Variants in ERAP1 observed in about 807,000 individuals in gnomAD.
ERAP1 encodes endoplasmic reticulum aminopeptidase 1, also known as adipocyte-derived leucine aminopeptidase.
In ERAP1, 86 loss-of-function variants were observed where a neutral mutation model predicts 103.7. That is an observed-to-expected ratio of 0.83 (90% CI 0.70 to 0.99). The LOEUF (loss-of-function observed/expected upper bound fraction) is 0.99, where lower values mean the gene tolerates loss of function less well. Ranked by LOEUF, ERAP1 falls within the 50% of genes least tolerant of loss-of-function variation. The pLI is 0.00. For synonymous variants in ERAP1, 398 were observed against 402.4 expected, an observed-to-expected ratio of 0.99 and a Z score of 0.13; for missense variants, 1,009 against 1,128.4, an observed-to-expected ratio of 0.89 and a Z score of 1.52.
chr5:96,828,387 A>T, the ERAP1 span, among the ~76,000 whole-genome samples: 4 of 152,206 alleles, frequency 2.6e-5, no homozygotes, highest in Non-Finnish European at 5.9e-5. Context: ...TAATAATAAT[A>T]TTTGCCAGTC....
At chr5:96,819,370 A>G in the ERAP1 span, among the ~76,000 whole-genome samples, 2 of 152,198 alleles carry the variant, frequency 1.3e-5, no homozygotes, top group Non-Finnish European at 2.9e-5. Context: ...TTCATCCTAC[A>G]GACAATCATC....
At chr5:96,879,527 TTTTTTGTCA>T in the ERAP1 span, 1 of 582,268 alleles carries the variant, frequency 1.7e-6, no homozygotes. Flanking sequence ...AATTGAAATC[TTTTTTGTCA>T]TGCTATAAGT....
At chr5:96,881,866 T>A in the ERAP1 span, among the ~76,000 whole-genome samples, 9 of 152,336 alleles carry the variant, frequency 5.9e-5, no homozygotes, top group African/African-American at 2.2e-4. Flanking sequence ...TAGACCAGAA[T>A]GAGTCATAGC....
At chr5:96,922,133 C>T in the ERAP1 span, among the ~76,000 whole-genome samples, 1 of 150,916 alleles carries the variant, frequency 6.6e-6, no homozygotes, top group Non-Finnish European at 1.5e-5. Flanking sequence ...CCCGTCGCTG[C>T]TAAAAATACA....
chr5:96,784,124 G>A (rs747960041), intron 13 of ERAP1, 44 bp from the exon 14 acceptor site: 1 of 1,602,984 alleles, frequency 6.2e-7, no homozygotes, highest in Non-Finnish European at 8.5e-7. Flanking sequence ...AGTAAATCCG[G>A]GAAGTCAACT....
upstream of ERAP1, among the ~76,000 whole-genome samples, chr5:96,808,855 A>G (rs760179950): frequency 3.3e-4 from 50 of 152,212 alleles, 1 homozygote; most frequent in Admixed American, 1.3e-4. Context: ...CCAGACCCCA[A>G]GAGAGGGTTC....
chr5:96,861,044 T>C, the ERAP1 span, among the ~76,000 whole-genome samples: 1 of 152,158 alleles, frequency 6.6e-6, no homozygotes, highest in African/African-American at 2.4e-5. Flanking sequence ...CCTGCCTTTG[T>C]GATTCTGTGG....
intron 4 of ERAP1, 109 bp downstream of exon 4, chr5:96,797,066 T>C: frequency 7.6e-7 from 1 of 1,314,380 alleles, no homozygotes; most frequent in Non-Finnish European, 1.1e-6. Flanking sequence ...TGGGTTTATG[T>C]TGGGTTTACA....
chr5:96,896,644 G>T, the ERAP1 span: 1 of 1,342,754 alleles, frequency 7.4e-7, no homozygotes, highest in East Asian at 2.6e-5. Flanking sequence ...CATCACACAT[G>T]TTCCGTAAAA....
At position 96,784,015 on chromosome 5, in the gene ERAP1, AT is replaced by A; in HGVS notation, c.2008del (p.Ile670LeufsTer8). ...ATTCAAACCTTGAAACACGGGCATA[AT>A]TTCAGTTTCATGTTTCAAGTACAGG... ...LSLYLKHETE[I>X]MPVFQGLNEL... On this transcript the variant is annotated frameshift_variant, in exon 14 of 19. Transcript: ENST00000443439. LOFTEE classifies it high-confidence loss of function. 1 of 1,614,030 alleles carries A rather than the reference AT, an allele frequency of 6.2e-7. No homozygotes were observed.
In ERAP1 at chr5:96,776,365, A is replaced by C. The variant is rs1774299649; in HGVS notation, c.*31T>G. 1.3e-6 allele frequency: 2 copies of C among 1,592,764 alleles called. No homozygotes were observed. The highest frequency in any genetic ancestry group is 1.7e-6 in the Non-Finnish European group (2 of 1,169,270). ...CACTCAACAAAATGTTGGTGATTAG[A>C]GATAACAGGAACCTGGCAAGGGAGG... is the stretch of plus-strand genomic sequence containing the variant. On this transcript the variant is annotated 3_prime_UTR_variant, in exon 19 of 19. Transcript: ENST00000443439.
At chr5:96,933,472 G>A in the ERAP1 span, among the ~76,000 whole-genome samples, 1 of 152,134 alleles carries the variant, frequency 6.6e-6, no homozygotes, top group African/African-American at 2.4e-5. Context: ...AATGGGAGGG[G>A]TGGGAGGCAA....
At chr5:96,807,957 A>T, upstream of ERAP1, 1 of 985,764 alleles carries the variant, frequency 1.0e-6, no homozygotes, top group Non-Finnish European at 1.2e-6. Flanking sequence ...GAGCCCGGGG[A>T]GCGGCAGGCT....
chr5:96,786,751 C>T (rs1776058654), intron 11 of ERAP1: 2 of 562,172 alleles, frequency 3.6e-6, no homozygotes, highest in Non-Finnish European at 3.2e-6. Context: ...TTTTCTTGGA[C>T]TCCTTGAGTA....
At chr5:96,817,647 A>G in the ERAP1 span, among the ~76,000 whole-genome samples, 1 of 152,196 alleles carries the variant, frequency 6.6e-6, no homozygotes, top group Non-Finnish European at 1.5e-5. Context: ...CAAAACCACA[A>G]TGTAGAACTT....
the ERAP1 span, chr5:96,884,034 TTATCTATCTATCTATCTATCTATCTATC>T: frequency 1.7e-6 from 1 of 602,976 alleles, no homozygotes. Context: ...TAATTTGTTT[TTATCTATCTATCTATCTATCTATCTATC>T]TATCTATCTA....
At chr5:96,911,469 A>C in the ERAP1 span, among the ~76,000 whole-genome samples, 1 of 152,242 alleles carries the variant, frequency 6.6e-6, no homozygotes, top group Non-Finnish European at 1.5e-5. Context: ...AGGACAGAAA[A>C]TCATGTCACT....
the ERAP1 span, among the ~76,000 whole-genome samples, chr5:96,877,525 T>G: frequency 6.6e-6 from 1 of 152,258 alleles, no homozygotes; most frequent in African/African-American, 2.4e-5. Flanking sequence ...CATGCTGTGC[T>G]GTGCCAACTT....
At chr5:96,831,678 C>A in the ERAP1 span, among the ~76,000 whole-genome samples, 1 of 152,222 alleles carries the variant, frequency 6.6e-6, no homozygotes, top group African/African-American at 2.4e-5. Context: ...GTGCCCTTTT[C>A]TCTGCCATCA....
Sources: gnomAD v4.1 joint callset for allele counts (sites outside exome capture counted in the v4.1 genomes callset) on GRCh38, gnomAD v4.1.1 for gene constraint, MANE v1.5 for transcripts, NCBI Gene and HGNC (gene_info 2026-07-23, HGNC 2026-07-21) for gene names.